Variants in PHLPP2 observed in about 807,000 individuals in gnomAD.
PHLPP2 encodes the protein PH domain leucine-rich repeat-containing protein phosphatase 2.
PHLPP2 carries 66 observed loss-of-function variants against 124.9 expected under a neutral mutation model. The ratio of observed to expected loss-of-function variants is 0.53; its 90% CI spans 0.43 to 0.65. PHLPP2 has a LOEUF of 0.65. PHLPP2 is among the 30% of genes least tolerant of loss of function. The pLI is 0.00. For synonymous variants in PHLPP2, 681 were observed against 624.7 expected, an observed-to-expected ratio of 1.09 and a Z score of -1.34; for missense variants, 1,685 against 1,600.4, an observed-to-expected ratio of 1.05 and a Z score of -0.90.
chr16:71,702,374 A>G (rs148574865), intron 3 of PHLPP2, among the ~76,000 whole-genome samples: 4 of 152,360 alleles, frequency 2.6e-5, no homozygotes, highest in African/African-American at 9.6e-5. Context: ...TTAGCAAAAT[A>G]CAAGTGCAAA....
chr16:71,690,189 A>G (rs1209159469), intron 4 of PHLPP2, among the ~76,000 whole-genome samples: 1 of 152,156 alleles, frequency 6.6e-6, no homozygotes, highest in South Asian at 2.1e-4. Flanking sequence ...AAAAACCCCG[A>G]AAGAATCTAT....
At chr16:71,718,970 G>A (rs1180266375) in intron 1 of PHLPP2, among the ~76,000 whole-genome samples, 2 of 152,188 alleles carry the variant, frequency 1.3e-5, no homozygotes, top group East Asian at 3.9e-4. Flanking sequence ...GAATTGCCTA[G>A]TGCTTCCTTC....
At chr16:71,686,326 T>C (rs2045054722) in intron 4 of PHLPP2, among the ~76,000 whole-genome samples, 1 of 152,034 alleles carries the variant, frequency 6.6e-6, no homozygotes, top group Non-Finnish European at 1.5e-5. Context: ...GTGTCTGCCA[T>C]TGTTCCTGGC....
intron 1 of PHLPP2, among the ~76,000 whole-genome samples, chr16:71,719,708 G>A (rs1386671319): frequency 4.7e-5 from 7 of 147,836 alleles, no homozygotes; most frequent in Non-Finnish European, 9.0e-5. Context: ...AGGAGACTCT[G>A]TCTTTAAAAA....
At chr16:71,707,232 G>A (rs754671024) in intron 2 of PHLPP2, among the ~76,000 whole-genome samples, 1 of 152,096 alleles carries the variant, frequency 6.6e-6, no homozygotes, top group Non-Finnish European at 1.5e-5. Flanking sequence ...TGGGATTACA[G>A]GAGTGAGCCA....
At chr16:71,694,528 T>C (rs1044881885) in intron 3 of PHLPP2, among the ~76,000 whole-genome samples, 2 of 151,610 alleles carry the variant, frequency 1.3e-5, no homozygotes, top group African/African-American at 4.9e-5. Flanking sequence ...TTATGCACAA[T>C]AAAAAGTAAT....
chr16:71,669,539 G>A (rs1432922423), intron 10 of PHLPP2, among the ~76,000 whole-genome samples, 169 bp from the exon 11 acceptor site: 1 of 152,210 alleles, frequency 6.6e-6, no homozygotes, highest in African/African-American at 2.4e-5. Flanking sequence ...CTCATTGAAT[G>A]CTGCTGAATT....
At chr16:71,667,083 G>C (rs1018169074) in intron 12 of PHLPP2, 95 bp downstream of exon 12, 2 of 1,085,976 alleles carry the variant, frequency 1.8e-6, no homozygotes. Context: ...TAAACGCTCT[G>C]TAAATACAGT....
Position 71,678,714 on chromosome 16 carries a change from A to G in PHLPP2, c.1268+41T>C, listed in dbSNP as rs200724537. On this transcript the variant is annotated intron_variant, in intron 8 of 18. Transcript: ENST00000568954. ...TAAACAGAAGACATAAAGGTCCACC[A>G]GAGTCAATTTAAAGGAAGGTGTGGT... The G allele has an allele frequency of 9.0e-6, 9 of 1,002,802 alleles. No homozygotes were observed. The African/African-American group carries it at 1.4e-4, about 16-fold the overall frequency. The allele number at this position is 1,002,802 out of a possible 1,614,324, so 62.1% of individuals were successfully genotyped here.
chr16:71,671,827 T>C (rs1184995079), intron 10 of PHLPP2, among the ~76,000 whole-genome samples: 1 of 151,818 alleles, frequency 6.6e-6, no homozygotes, highest in African/African-American at 2.4e-5. Flanking sequence ...GGCAGGAGAA[T>C]GACGTGAACC....
rs760893860 is a variant in PHLPP2 at position 71,702,622 on chromosome 16, C to A, written c.394G>T (p.Gly132Cys). 6 of 1,610,686 alleles carry A rather than the reference C, an allele frequency of 3.7e-6. No individual in the cohort carries two copies. Among genetic ancestry groups the A allele is most frequent in the Non-Finnish European group, 5.1e-6 (6 of 1,178,974 alleles). Residue 132 changes from glycine (G) to cysteine (C), a missense_variant, in exon 3 of 19, where the codon GGC (glycine) becomes TGC (cysteine). By Grantham distance (159) the Gly-to-Cys change is radical. Transcript: ENST00000568954. ...IQEEATNPDL[G>C]CMIRFYGEKP... The stretch of plus-strand genomic sequence containing the variant: ...CCACCATAAAATCGAATCATACAGC[C>A]GAGGTCAGGATTTGTAGCCTCCTCC...
rs1223481853 is a variant in PHLPP2, at chr16:71,681,751, T to C, written c.890A>G (p.Lys297Arg). The change falls in exon 6 of 19, where the codon AAA becomes AGA. Residue 297 changes from lysine (K) to arginine (R), a missense_variant and splice_region_variant. Physicochemically the swap from Lys to Arg is conservative, Grantham distance 26. Transcript: ENST00000568954. ...ERPGGLDTLYKFSQLKGLNLS... is the reference protein window; with the variant it reads ...ERPGGLDTLYRFSQLKGLNLS... Reference sequence around the variant, plus strand: ...GTCTGGAAACCCATTCTCCACATACTTGTAGAGTGTATCGAGGCCTCCGGG... The same window carrying C: ...GTCTGGAAACCCATTCTCCACATACCTGTAGAGTGTATCGAGGCCTCCGGG... 3 of 1,611,508 alleles carry C rather than the reference T, an allele frequency of 1.9e-6. No homozygotes were observed. Among genetic ancestry groups the C allele is most frequent in the African/African-American group, 2.7e-5 (2 of 74,818 alleles).
intron 2 of PHLPP2, among the ~76,000 whole-genome samples, chr16:71,705,571 G>C (rs1054815442): frequency 4.6e-5 from 7 of 151,920 alleles, no homozygotes; most frequent in Admixed American, 6.6e-5. Flanking sequence ...GAGTGCAGTG[G>C]TGCGATCTTG....
At chr16:71,656,068 G>A (rs529885161) in intron 16 of PHLPP2, among the ~76,000 whole-genome samples, 2 of 150,520 alleles carry the variant, frequency 1.3e-5, no homozygotes, top group Non-Finnish European at 3.0e-5. Context: ...CACACCTATG[G>A]TTGAAAAAGT....
intron 17 of PHLPP2, 34 bp from the exon 18 acceptor site, chr16:71,653,055 G>A: frequency 1.4e-6 from 2 of 1,450,588 alleles, no homozygotes; most frequent in Non-Finnish European, 1.9e-6. Context: ...AAGACGTGGT[G>A]GCTAGTTTTA....
intron 3 of PHLPP2, among the ~76,000 whole-genome samples, chr16:71,697,807 C>G (rs1299324787): frequency 1.3e-5 from 2 of 148,884 alleles, no homozygotes; most frequent in African/African-American, 5.0e-5. Flanking sequence ...CTCTTTCTCT[C>G]TCTCTCTCTC....
At chr16:71,650,131 T>A in intron 18 of PHLPP2, 87 bp from the exon 19 acceptor site, 1 of 894,052 alleles carries the variant, frequency 1.1e-6, no homozygotes, top group Non-Finnish European at 1.7e-6. Flanking sequence ...TAGGGAACTA[T>A]AATAAAACAA....
At chr16:71,719,408 C>T (rs992666484) in intron 1 of PHLPP2, among the ~76,000 whole-genome samples, 3 of 152,078 alleles carry the variant, frequency 2.0e-5, no homozygotes, top group African/African-American at 7.2e-5. Context: ...GGTGGTGGCA[C>T]GCATGCCTGT....
chr16:71,652,776 G>A lies in PHLPP2; in HGVS notation c.2817+14C>T. ...TTTGGGGAGCAGAAGTGACTGGCGGGGAGCGGAACACACCTCTGTGATGAT... is the reference window on the plus strand; with the variant it reads ...TTTGGGGAGCAGAAGTGACTGGCGGAGAGCGGAACACACCTCTGTGATGAT... On this transcript the variant is annotated intron_variant, in intron 18 of 18. Transcript: ENST00000568954. The A allele has an allele frequency of 6.3e-7, 1 of 1,581,880 alleles. No individual in the cohort carries two copies. Among genetic ancestry groups the A allele is most frequent in the South Asian group, 1.1e-5 (1 of 90,478 alleles).
Sources: allele counts gnomAD v4.1 joint callset (sites outside exome capture counted in the v4.1 genomes callset), GRCh38; gene constraint gnomAD v4.1.1; transcripts MANE v1.5; gene names NCBI Gene and HGNC (gene_info 2026-07-23, HGNC 2026-07-21).